The following JAM3 variants were observed in gnomAD, a reference collection of about 807,000 sequenced individuals.
JAM3 encodes junctional adhesion molecule 3, also known as junctional adhesion molecule C.
Under a neutral mutation model 39.4 loss-of-function variants are expected in JAM3, and 31 were observed. The observed-to-expected ratio is 0.79, with a 90% CI of 0.59 to 1.06. JAM3 has a LOEUF of 1.06. Ranked by LOEUF, JAM3 falls within the 50% of genes least tolerant of loss-of-function variation. The probability of loss-of-function intolerance (pLI) is 0.00; values close to 1 mark genes in which losing one functional copy is unlikely to be tolerated. For synonymous variants in JAM3, 182 were observed against 148.7 expected, an observed-to-expected ratio of 1.22 and a Z score of -1.63; for missense variants, 455 against 391.4, an observed-to-expected ratio of 1.16 and a Z score of -1.37.
At position 134,097,868 on chromosome 11, in the gene JAM3, A is replaced by G. The variant is rs1430625303; in HGVS notation, c.76+28709A>G. ...AATTTTCTTTTATATATATGTATAT[A>G]TATATTTATATACACACACTTTGCA... On this transcript the variant is annotated intron_variant, in intron 1 of 8. Coordinates refer to ENST00000299106, the MANE Select transcript of JAM3 (RefSeq NM_032801.5). 2.6e-5 allele frequency among the ~76,000 whole-genome samples: 4 copies of G among 151,344 alleles called. No homozygotes were observed. The East Asian group carries it at 7.7e-4, about 29-fold the overall frequency.
In JAM3 at chr11:134,144,822, C is replaced by T. The variant is rs770675784; in HGVS notation, c.440C>T (p.Pro147Leu). 2 of 1,614,068 alleles carry T rather than the reference C, an allele frequency of 1.2e-6. No individual in the cohort carries two copies. The highest frequency in any genetic ancestry group is 1.7e-6 in the Non-Finnish European group (2 of 1,180,006). Residue 147 changes from proline to leucine, a missense_variant, in exon 5 of 9, where the codon CCG becomes CTG. Coordinates refer to ENST00000299106, the MANE Select transcript of JAM3 (RefSeq NM_032801.5). ...CCAGTGACCCCTGTCTGTAGAGTGC[C>T]GAAGGCTGTACCAGTAGGCAAGATG... is the stretch of plus-strand genomic sequence containing the variant. ...VKPVTPVCRV[P>L]KAVPVGKMAT...
intron 6 of JAM3, among the ~76,000 whole-genome samples, chr11:134,146,970 A>T (rs1943084660): frequency 6.6e-6 from 1 of 152,196 alleles, no homozygotes; most frequent in Non-Finnish European, 1.5e-5. Flanking sequence ...ACTGTTTCAC[A>T]TACAGATTCG....
intron 1 of JAM3, among the ~76,000 whole-genome samples, chr11:134,120,063 C>T (rs1942504936): frequency 1.3e-5 from 2 of 149,694 alleles, no homozygotes; most frequent in South Asian, 2.2e-4. Context: ...CCCATTTTCT[C>T]TTAAATTCCT....
At chr11:134,121,450 TATC>T (rs751193905) in intron 1 of JAM3, among the ~76,000 whole-genome samples, 10 of 151,660 alleles carry the variant, frequency 6.6e-5, no homozygotes, top group East Asian at 1.9e-4. Flanking sequence ...TCTCCTGCCT[TATC>T]ATTCCCATCT....
chr11:134,130,378 C>G (rs1484444711), intron 1 of JAM3, among the ~76,000 whole-genome samples: 6 of 152,036 alleles, frequency 3.9e-5, no homozygotes, highest in African/African-American at 1.2e-4. Context: ...AGTAACTTTT[C>G]CAGAAACTTC....
intron 1 of JAM3, among the ~76,000 whole-genome samples, chr11:134,136,327 T>C (rs2120838265): frequency 6.6e-6 from 1 of 152,322 alleles, no homozygotes; most frequent in Middle Eastern, 3.4e-3. Context: ...CCAGAACCCA[T>C]CTCCTAAGTA....
chr11:134,098,932 C>T (rs1412450466), intron 1 of JAM3, among the ~76,000 whole-genome samples: 3 of 152,114 alleles, frequency 2.0e-5, no homozygotes, highest in Non-Finnish European at 4.4e-5. Flanking sequence ...GGCGTGGTGG[C>T]TCACCACCTG....
chr11:134,117,902 G>T (rs974326526), intron 1 of JAM3, among the ~76,000 whole-genome samples: 2 of 152,204 alleles, frequency 1.3e-5, no homozygotes, highest in African/African-American at 4.8e-5. Flanking sequence ...GCCCTAAAGA[G>T]GCTATACTGG....
intron 5 of JAM3, 21 bp from the exon 6 acceptor site, chr11:134,145,925 A>C (rs1269319320): frequency 1.9e-6 from 3 of 1,554,048 alleles, no homozygotes. Flanking sequence ...CCGATTATTT[A>C]CTTGTCATTC....
chr11:134,123,915 A>G, intron 1 of JAM3: 1 of 1,163,002 alleles, frequency 8.6e-7, no homozygotes, highest in South Asian at 1.2e-5. Flanking sequence ...TTTGGAATTG[A>G]AGGCCCCCCT....
Position 134,149,799 on chromosome 11 carries a change from C to T in JAM3, c.*618C>T, listed in dbSNP as rs971254862. The stretch of plus-strand genomic sequence containing the variant: ...GTAAATTGGTTGCTGGAAGAGGGAT[C>T]TTGCCTGAGGAACCCTGCTTGTCCA... On this transcript the variant is annotated 3_prime_UTR_variant, in exon 9 of 9. Coordinates refer to ENST00000299106, the MANE Select transcript of JAM3 (RefSeq NM_032801.5). 4 of 403,246 alleles carry T rather than the reference C, an allele frequency of 9.9e-6. No homozygotes were observed. Among genetic ancestry groups the T allele is most frequent in the African/African-American group, 8.2e-5 (4 of 48,496 alleles). The allele number at this position is 403,246 out of a possible 1,614,324, so 25.0% of individuals were successfully genotyped here. A position where few individuals can be genotyped will look rare whatever the true frequency, so the allele number is the denominator to read the frequency against.
At chr11:134,081,921 C>G (rs1021984875) in intron 1 of JAM3, among the ~76,000 whole-genome samples, 6 of 152,264 alleles carry the variant, frequency 3.9e-5, no homozygotes, top group Non-Finnish European at 8.8e-5. Context: ...CTGCCCAAGA[C>G]CATGGGAACC....
At chr11:134,089,001 T>C (rs1342814799) in intron 1 of JAM3, among the ~76,000 whole-genome samples, 3 of 152,198 alleles carry the variant, frequency 2.0e-5, no homozygotes, top group African/African-American at 7.2e-5. Context: ...AGGTGTCAGT[T>C]CACCATTATA....
intron 1 of JAM3, among the ~76,000 whole-genome samples, chr11:134,112,323 G>A (rs1942328897): frequency 6.6e-6 from 1 of 152,112 alleles, no homozygotes; most frequent in East Asian, 1.9e-4. Flanking sequence ...CCTGACCTCA[G>A]GTGATCCACC....
chr11:134,098,519 C>T (rs944734255), intron 1 of JAM3, among the ~76,000 whole-genome samples: 1 of 152,124 alleles, frequency 6.6e-6, no homozygotes, highest in Non-Finnish European at 1.5e-5. Context: ...TATCTAAAGT[C>T]AGAACCATTA....
intron 1 of JAM3, among the ~76,000 whole-genome samples, chr11:134,099,743 A>G (rs1295702421): frequency 6.6e-6 from 1 of 152,084 alleles, no homozygotes; most frequent in East Asian, 1.9e-4. Flanking sequence ...AGTAGCTGGG[A>G]TTACAGGTGT....
intron 1 of JAM3, among the ~76,000 whole-genome samples, chr11:134,073,052 G>T (rs117438086): frequency 6.6e-6 from 1 of 152,198 alleles, no homozygotes; most frequent in Admixed American, 6.5e-5. Flanking sequence ...AAGCGATCCC[G>T]AAAGAAAGTT....
At chr11:134,111,943 C>T (rs554783808) in intron 1 of JAM3, among the ~76,000 whole-genome samples, 2 of 152,190 alleles carry the variant, frequency 1.3e-5, no homozygotes, top group Non-Finnish European at 2.9e-5. Context: ...AGTCCAGCCT[C>T]TCCACCTACC....
chr11:134,128,054 G>T (rs1181080300), intron 1 of JAM3, among the ~76,000 whole-genome samples: 2 of 151,966 alleles, frequency 1.3e-5, no homozygotes, highest in Admixed American at 6.6e-5. Context: ...AGTCTTTGGG[G>T]TGTTGCTTAC....
Sources: allele counts gnomAD v4.1 joint callset (sites outside exome capture counted in the v4.1 genomes callset), GRCh38; gene constraint gnomAD v4.1.1; transcripts MANE v1.5; gene names NCBI Gene and HGNC (gene_info 2026-07-23, HGNC 2026-07-21).